Variants in SAMD3 observed in about 807,000 individuals in gnomAD.
SAMD3 encodes sterile alpha motif domain-containing protein 3.
A neutral mutation model predicts 58.5 loss-of-function variants in SAMD3; 63 were observed. That is an observed-to-expected ratio of 1.08 (90% CI 0.88 to 1.33). The LOEUF is 1.33. Among genes scored for constraint, SAMD3 ranks in the 40% most tolerant of loss-of-function variants. The pLI is 0.00. For missense variants in SAMD3, 604 were observed against 608.4 expected, an observed-to-expected ratio of 0.99 and a Z score of 0.08; for synonymous variants, 220 against 210.3, an observed-to-expected ratio of 1.05 and a Z score of -0.40.
chr6:130,212,405 CCAGA>C lies in SAMD3; in HGVS notation c.269+1928_269+1931del, dbSNP rs1318098844. On this transcript the variant is annotated intron_variant, in intron 4 of 11. Transcript: ENST00000439090. Reference sequence around the variant, plus strand: ...GTGCAAAGTCCCCACTCATAAATCCCCAGACAAAGAGTGGTCCCAGTCTTGGCCA... The same window carrying C: ...GTGCAAAGTCCCCACTCATAAATCCCCAAAGAGTGGTCCCAGTCTTGGCCA... Among the ~76,000 whole-genome samples, 4 of 152,116 alleles carry C rather than the reference CCAGA, an allele frequency of 2.6e-5. No individual in the cohort carries two copies. In the East Asian group the frequency reaches 7.7e-4, roughly 29 times the overall value.
chr6:130,347,926 C>T (rs1296883287), intron 1 of SAMD3, among the ~76,000 whole-genome samples: 2 of 152,186 alleles, frequency 1.3e-5, no homozygotes, highest in African/African-American at 2.4e-5. Context: ...CAATATTCAA[C>T]ATTCTTAAAG....
intron 4 of SAMD3, among the ~76,000 whole-genome samples, chr6:130,214,113 C>T (rs542685481): frequency 1.3e-5 from 2 of 152,244 alleles, no homozygotes; most frequent in African/African-American, 2.4e-5. Flanking sequence ...GCTAATAGGA[C>T]ATCCCTAATG....
chr6:130,173,971 T>A (rs762565576), intron 8 of SAMD3, among the ~76,000 whole-genome samples: 3 of 152,106 alleles, frequency 2.0e-5, no homozygotes, highest in Non-Finnish European at 2.9e-5. Flanking sequence ...AGCTCCTTAG[T>A]ACTGTCAGGA....
At chr6:130,282,099 T>C (rs916658256) in intron 2 of SAMD3, among the ~76,000 whole-genome samples, 1 of 151,738 alleles carries the variant, frequency 6.6e-6, no homozygotes, top group African/African-American at 2.4e-5. Context: ...GGCCTTGCTT[T>C]ACTTACTTAA....
chr6:130,259,505 G>GC (rs1198321978), intron 2 of SAMD3, among the ~76,000 whole-genome samples: 2 of 152,106 alleles, frequency 1.3e-5, no homozygotes, highest in Non-Finnish European at 2.9e-5. Context: ...CTCCCATTAG[G>GC]CCCCATCTTC....
chr6:130,166,556 A>T (rs755234418), intron 8 of SAMD3, among the ~76,000 whole-genome samples: 1 of 152,192 alleles, frequency 6.6e-6, no homozygotes, highest in Non-Finnish European at 1.5e-5. Flanking sequence ...GGTCTATCAA[A>T]GATGAACTGC....
chr6:130,143,713 A>C (rs988070056), downstream of SAMD3: 1 of 152,226 alleles, frequency 6.6e-6, no homozygotes, highest in Non-Finnish European at 1.5e-5. Flanking sequence ...ATATTTTGAT[A>C]ATAACATCAA....
rs1775685791 is a variant in SAMD3 at position 130,299,811 on chromosome 6, C to A, written c.-188+13167G>T. Among the ~76,000 whole-genome samples, 2 of 152,058 alleles carry A rather than the reference C, an allele frequency of 1.3e-5. 1 individual carries two copies. Among genetic ancestry groups the A allele is most frequent in the South Asian group, 4.1e-4 (2 of 4,820 alleles). ...CTGATACCACAAAAATACAAAAGAT[C>A]CTCAGAGACTACTAGGAACATCTCT... is the stretch of plus-strand genomic sequence containing the variant. On this transcript the variant is annotated intron_variant, in intron 2 of 13. Coordinates refer to the SAMD3 transcript ENST00000368134.
intron 2 of SAMD3, among the ~76,000 whole-genome samples, chr6:130,308,397 TC>T (rs140358527): frequency 4.7e-4 from 69 of 146,178 alleles, no homozygotes; most frequent in African/African-American, 1.7e-3. Context: ...TCTATTCTAT[TC>T]TATTCTATTC....
chr6:130,183,113 CTT>C (rs1402725308), intron 7 of SAMD3: 4 of 312,586 alleles, frequency 1.3e-5, no homozygotes, highest in Non-Finnish European at 2.5e-5. Context: ...AAACAGCAAA[CTT>C]TGTGTTGAAA....
chr6:130,145,538 C>T lies in SAMD3; in HGVS notation c.1196-116G>A, dbSNP rs1788544190. On this transcript the variant is annotated intron_variant, in intron 10 of 11. Transcript: ENST00000439090. Reference sequence around the variant, plus strand: ...TACCTTGGACAGAAAACAAACTAGCCTTCTTAGATCAATGTTTCACACCTT... The same window carrying T: ...TACCTTGGACAGAAAACAAACTAGCTTTCTTAGATCAATGTTTCACACCTT... 1.0e-5 allele frequency: 6 copies of T among 599,706 alleles called. No individual in the cohort carries two copies. The South Asian group carries it at 1.3e-4, about 13-fold the overall frequency. The allele number at this position is 599,706 out of a possible 1,614,324, so 37.1% of individuals were successfully genotyped here. A position where few individuals can be genotyped will look rare whatever the true frequency, so the allele number is the denominator to read the frequency against.
chr6:130,143,116 C>A (rs907959514), downstream of SAMD3: 40 of 152,220 alleles, frequency 2.6e-4, no homozygotes, highest in African/African-American at 9.1e-4. Flanking sequence ...AATGAACAGT[C>A]CTTAGAGAGA....
At chr6:130,219,213 A>G (rs1796122211) in intron 1 of SAMD3, among the ~76,000 whole-genome samples, 1 of 152,214 alleles carries the variant, frequency 6.6e-6, no homozygotes, top group Non-Finnish European at 1.5e-5. Context: ...TCTGAAAGGG[A>G]GTGACATCTA....
chr6:130,337,506 T>C (rs1044275593), intron 1 of SAMD3, among the ~76,000 whole-genome samples: 2 of 152,186 alleles, frequency 1.3e-5, no homozygotes, highest in African/African-American at 2.4e-5. Flanking sequence ...CCCCTGCCTT[T>C]GGGTATAAAG....
At chr6:130,164,256 C>A (rs752618787) in intron 8 of SAMD3, among the ~76,000 whole-genome samples, 3 of 152,120 alleles carry the variant, frequency 2.0e-5, no homozygotes, top group Non-Finnish European at 4.4e-5. Context: ...ACAAAGGAGA[C>A]AATCAATTCC....
chr6:130,296,498 A>G (rs1348777635), intron 2 of SAMD3, among the ~76,000 whole-genome samples: 4 of 152,156 alleles, frequency 2.6e-5, no homozygotes, highest in Non-Finnish European at 5.9e-5. Context: ...ATGTGAAGGA[A>G]TATCATCTCC....
intron 11 of SAMD3, 140 bp downstream of exon 11, chr6:130,145,200 G>C (rs1487682472): frequency 2.2e-6 from 1 of 460,364 alleles, no homozygotes; most frequent in East Asian, 3.5e-5. Context: ...GGAGGCTGCA[G>C]TGAGCCAAGA....
intron 5 of SAMD3, among the ~76,000 whole-genome samples, chr6:130,186,299 C>T (rs1020067815): frequency 6.6e-6 from 1 of 152,144 alleles, no homozygotes; most frequent in Non-Finnish European, 1.5e-5. Flanking sequence ...ATTCTTTTAG[C>T]ATTTTAGGTC....
At chr6:130,168,796 A>G (rs534574456) in intron 8 of SAMD3, among the ~76,000 whole-genome samples, 2 of 152,244 alleles carry the variant, frequency 1.3e-5, no homozygotes, top group Admixed American at 6.5e-5. Context: ...ATGTTCAGAA[A>G]TCTTTTTCTT....
Sources: gnomAD v4.1 joint callset for allele counts (sites outside exome capture counted in the v4.1 genomes callset) on GRCh38, gnomAD v4.1.1 for gene constraint, MANE v1.5 for transcripts, NCBI Gene and HGNC (gene_info 2026-07-23, HGNC 2026-07-21) for gene names.